The following WDR72 variants were observed in gnomAD, a reference collection of about 807,000 sequenced individuals.
WDR72 encodes WD repeat domain 72, also known as WD repeat-containing protein 72.
Under a neutral mutation model 124.2 loss-of-function variants are expected in WDR72, and 120 were observed. That is an observed-to-expected ratio of 0.97 (90% CI 0.83 to 1.12). The LOEUF (loss-of-function observed/expected upper bound fraction) is 1.12. Among genes scored for constraint, WDR72 ranks in the 50% most tolerant of loss-of-function variants. WDR72 has a pLI of 0.00. For missense variants in WDR72, 1,387 were observed against 1,278.8 expected (o/e 1.08, Z -1.29); for synonymous variants, 452 against 441.7 (o/e 1.02, Z -0.29).
intron 14 of WDR72, among the ~76,000 whole-genome samples, chr15:53,631,702 A>T (rs2014435395): frequency 6.6e-6 from 1 of 152,188 alleles, no homozygotes; most frequent in East Asian, 1.9e-4. Flanking sequence ...GAACTGGAGT[A>T]AAGGTCACTT....
At chr15:53,608,903 G>A (rs60909239) in intron 17 of WDR72, among the ~76,000 whole-genome samples, 21,214 of 151,918 alleles carry the variant, frequency 0.14, 2,323 homozygotes, top group African/African-American at 0.31. Flanking sequence ...GCCAAAAAAT[G>A]TTAGAAAGAA....
chr15:53,716,183 T>C (rs1282707808), intron 4 of WDR72, among the ~76,000 whole-genome samples: 1 of 152,166 alleles, frequency 6.6e-6, no homozygotes, highest in Non-Finnish European at 1.5e-5. Flanking sequence ...GAAGTGATTA[T>C]AAAAGTTATA....
At chr15:53,613,886 T>TA (rs2013651263) in intron 15 of WDR72, 129 bp from the exon 16 acceptor site, 1 of 628,886 alleles carries the variant, frequency 1.6e-6, no homozygotes. Context: ...TTTTTAGCAA[T>TA]ATCTTTCACA....
chr15:53,578,642 A>T (rs1396520197), intron 18 of WDR72, among the ~76,000 whole-genome samples: 1 of 152,110 alleles, frequency 6.6e-6, no homozygotes, highest in Non-Finnish European at 1.5e-5. Flanking sequence ...AGACATCCAA[A>T]GCTCAGTTGT....
rs561549601 is a variant in WDR72, at chr15:53,540,144, G to A, written c.3149-16822C>T. Among the ~76,000 whole-genome samples the A allele has an allele frequency of 3.3e-5, 5 of 152,290 alleles. No homozygotes were observed. The South Asian group carries it at 8.3e-4, about 25-fold the overall frequency. On this transcript the variant is annotated intron_variant, in intron 18 of 19. Coordinates refer to ENST00000360509, the MANE Select transcript of WDR72 (RefSeq NM_182758.4). ...CTACTTTAATAAAGCAGAGGCTAAA[G>A]AGAATGGAAACTAACGATAGATAAT...
chr15:53,597,141 G>C lies in WDR72; in HGVS notation c.3086C>G (p.Pro1029Arg). The change falls in exon 18 of 20, where the codon CCA becomes CGA. Residue 1029 changes from proline to arginine, a missense_variant. Physicochemically the swap from Pro to Arg is moderately radical, Grantham distance 103. Coordinates refer to ENST00000360509, the MANE Select transcript of WDR72 (RefSeq NM_182758.4). Reference sequence around the variant, plus strand: ...TAGTTCTTCTGTCCATTCCAGCTTTGGCAGCATCTGCTTCATCTCACAGTT... The same window carrying C: ...TAGTTCTTCTGTCCATTCCAGCTTTCGCAGCATCTGCTTCATCTCACAGTT... Reference protein sequence around the residue: ...NGNCEMKQMLPKLEWTEELEL... With the variant: ...NGNCEMKQMLRKLEWTEELEL... 3 of 1,613,790 alleles carry C rather than the reference G, an allele frequency of 1.9e-6. No individual in the cohort carries two copies. The highest frequency in any genetic ancestry group is 1.7e-6 in the Non-Finnish European group (2 of 1,179,864).
At chr15:53,650,501 A>C (rs1397398831) in intron 14 of WDR72, among the ~76,000 whole-genome samples, 1 of 152,190 alleles carries the variant, frequency 6.6e-6, no homozygotes, top group Non-Finnish European at 1.5e-5. Flanking sequence ...GGTACAAGTC[A>C]TAGTTAACCT....
chr15:53,616,368 A>T (rs141540281), intron 14 of WDR72, 125 bp from the exon 15 acceptor site: 3 of 679,630 alleles, frequency 4.4e-6, no homozygotes, highest in Admixed American at 2.8e-5. Flanking sequence ...AGTCATTTCA[A>T]TTTTTTTGTC....
chr15:53,744,513 T>A (rs925447891), intron 1 of WDR72, among the ~76,000 whole-genome samples: 1 of 152,300 alleles, frequency 6.6e-6, no homozygotes, highest in African/African-American at 2.4e-5. Flanking sequence ...AAATAATATA[T>A]TTTGAAATAG....
intron 18 of WDR72, among the ~76,000 whole-genome samples, chr15:53,559,875 TTAAAA>T (rs1325456874): frequency 6.6e-5 from 10 of 151,972 alleles, no homozygotes; most frequent in African/African-American, 1.2e-4. Flanking sequence ...AGTGTGCAAC[TTAAAA>T]TAAAACCACT....
intron 18 of WDR72, among the ~76,000 whole-genome samples, chr15:53,556,740 A>C (rs1893947364): frequency 6.6e-6 from 1 of 152,180 alleles, no homozygotes; most frequent in Non-Finnish European, 1.5e-5. Context: ...TCTAAGAAAA[A>C]AAATACAGAC....
At chr15:53,713,016 C>T in intron 6 of WDR72, 125 bp from the exon 7 acceptor site, 1 of 1,076,560 alleles carries the variant, frequency 9.3e-7, no homozygotes, top group Non-Finnish European at 1.4e-6. Context: ...ATCTGAGTTA[C>T]CTTTTGAGTG....
chr15:53,540,668 G>C (rs559076573), intron 18 of WDR72, among the ~76,000 whole-genome samples: 7 of 152,048 alleles, frequency 4.6e-5, no homozygotes, highest in Admixed American at 3.9e-4. Flanking sequence ...GAACAGCTCC[G>C]GTCTACAGCT....
At chr15:53,597,330 A>G in intron 17 of WDR72, 56 bp from the exon 18 acceptor site, 1 of 1,563,782 alleles carries the variant, frequency 6.4e-7, no homozygotes, top group Non-Finnish European at 8.7e-7. Context: ...ATGCTTGGGT[A>G]TGTTGCAAAA....
chr15:53,755,892 A>G (rs774825098), intron 1 of WDR72, among the ~76,000 whole-genome samples: 3 of 152,238 alleles, frequency 2.0e-5, no homozygotes, highest in Non-Finnish European at 4.4e-5. Context: ...CTCAGTCTCT[A>G]ATAGAAAAGG....
intron 3 of WDR72, among the ~76,000 whole-genome samples, chr15:53,721,180 C>G (rs2017866241): frequency 6.6e-6 from 1 of 152,122 alleles, no homozygotes; most frequent in Non-Finnish European, 1.5e-5. Context: ...AGGAGGACAG[C>G]TAGGTAGACT....
rs34828731 is a variant in WDR72 at position 53,716,692 on chromosome 15, GA to G, written c.261-8del. ...ATTCCAAACACACATCTCCCTAGCA[GA>G]AGATAACTTTGTGTTATTCTCTGTC... is the stretch of plus-strand genomic sequence containing the variant. On this transcript the variant is annotated splice_polypyrimidine_tract_variant and splice_region_variant and intron_variant, in intron 3 of 19. Coordinates refer to ENST00000360509, the MANE Select transcript of WDR72 (RefSeq NM_182758.4). The G allele has an allele frequency of 0.45, 718,011 of 1,588,442 alleles. 166,904 individuals are homozygous for G. Among genetic ancestry groups the G allele is most frequent in the Middle Eastern group, 0.56 (3,355 of 6,012 alleles).
chr15:53,632,155 A>C (rs2140396392), intron 14 of WDR72, among the ~76,000 whole-genome samples: 1 of 152,108 alleles, frequency 6.6e-6, no homozygotes, highest in South Asian at 2.1e-4. Flanking sequence ...GTAAGGACTA[A>C]ATGGTTTCCT....
In WDR72 at chr15:53,716,634, T is replaced by A; in HGVS notation, c.312A>T (p.Thr104=). ...AGATTGCAGTGTGCCTGTAAGGAAGTGTAGCCTTCTCCATGCACTGTCCAT... is the reference window on the plus strand; with the variant it reads ...AGATTGCAGTGTGCCTGTAAGGAAGAGTAGCCTTCTCCATGCACTGTCCAT... ...VTNGQCMEKA[T]LPYRHTAICY... is the part of the protein sequence containing the mutation. Residue 104 remains threonine (T), a synonymous_variant, in exon 4 of 20, where the codon ACA becomes ACT. Coordinates refer to ENST00000360509, the MANE Select transcript of WDR72 (RefSeq NM_182758.4). 6.2e-7 allele frequency: 1 copy of A among 1,609,802 alleles called. No individual in the cohort carries two copies. The highest frequency in any genetic ancestry group is 8.5e-7 in the Non-Finnish European group (1 of 1,176,074).
Sources: gnomAD v4.1 joint callset for allele counts (sites outside exome capture counted in the v4.1 genomes callset) on GRCh38, gnomAD v4.1.1 for gene constraint, MANE v1.5 for transcripts, NCBI Gene and HGNC (gene_info 2026-07-23, HGNC 2026-07-21) for gene names.